The following CSMD1 variants were observed in gnomAD, a reference collection of about 807,000 sequenced individuals.
CSMD1 encodes CUB and sushi domain-containing protein 1.
A neutral mutation model predicts 417.5 loss-of-function variants in CSMD1; 213 were observed. That is an observed-to-expected ratio of 0.51 (90% CI 0.46 to 0.57). The LOEUF (loss-of-function observed/expected upper bound fraction) is 0.57, where lower values mean the gene tolerates loss of function less well. Ranked by LOEUF, CSMD1 falls within the 20% of genes least tolerant of loss-of-function variation. CSMD1 has a pLI of 0.00. For missense variants in CSMD1, 6,923 were observed against 4,529.7 expected (o/e 1.53, Z -15.17); for synonymous variants, 2,862 against 1,736.8 (o/e 1.65, Z -16.11).
At chr8:3,650,131 T>C (rs1464295631) in intron 7 of CSMD1, among the ~76,000 whole-genome samples, 1 of 151,938 alleles carries the variant, frequency 6.6e-6, no homozygotes, top group East Asian at 1.9e-4. Context: ...ATACAAAACT[T>C]AGCCAGGCAT....
At position 4,736,443 on chromosome 8, in the gene CSMD1, A is replaced by G. The variant is rs183472292; in HGVS notation, c.86-98885T>C. ...TGAATGAATTTGCATGAACAGAGAG[A>G]AGCAGCAGGCCCCTCAGGTGGGCAA... On this transcript the variant is annotated intron_variant, in intron 1 of 69. Transcript: ENST00000635120. Among the ~76,000 whole-genome samples, 402 of 152,260 alleles carry G rather than the reference A, an allele frequency of 2.6e-3. 1 individual carries two copies. Among genetic ancestry groups the G allele is most frequent in the African/African-American group, 9.0e-3 (376 of 41,556 alleles).
intron 2 of CSMD1, among the ~76,000 whole-genome samples, chr8:4,498,704 G>C (rs140115237): frequency 4.0e-4 from 61 of 152,252 alleles, no homozygotes; most frequent in African/African-American, 1.4e-3. Flanking sequence ...GTTCCAGACA[G>C]TTAGCTAAGC....
chr8:4,505,091 C>G (rs1254838357), intron 2 of CSMD1, among the ~76,000 whole-genome samples: 1 of 152,156 alleles, frequency 6.6e-6, no homozygotes, highest in Non-Finnish European at 1.5e-5. Context: ...AATTTACACT[C>G]CTACCAACAC....
At chr8:3,028,884 G>A (rs953302022) in intron 51 of CSMD1, among the ~76,000 whole-genome samples, 1 of 152,148 alleles carries the variant, frequency 6.6e-6, no homozygotes, top group African/African-American at 2.4e-5. Flanking sequence ...AGCTTTAACT[G>A]CTTATCTTGT....
At chr8:3,937,994 A>G (rs1810622071) in intron 5 of CSMD1, among the ~76,000 whole-genome samples, 1 of 152,202 alleles carries the variant, frequency 6.6e-6, no homozygotes, top group Admixed American at 6.6e-5. Flanking sequence ...GAATTTCAAA[A>G]TAACTAACTA....
chr8:3,467,865 T>C (rs957562129), intron 12 of CSMD1, among the ~76,000 whole-genome samples: 1 of 152,230 alleles, frequency 6.6e-6, no homozygotes. Flanking sequence ...CCTAAAACTA[T>C]TCCTATGGTA....
intron 52 of CSMD1, among the ~76,000 whole-genome samples, chr8:3,000,984 TTTTC>T (rs2128955903): frequency 7.1e-6 from 1 of 140,562 alleles, no homozygotes; most frequent in Non-Finnish European, 1.5e-5. Flanking sequence ...CCACCATTTT[TTTTC>T]TTTTTTTTTT....
At chr8:3,988,549 G>T (rs1490454172) in intron 5 of CSMD1, among the ~76,000 whole-genome samples, 1 of 152,204 alleles carries the variant, frequency 6.6e-6, no homozygotes, top group African/African-American at 2.4e-5. Context: ...ACTCACTCCA[G>T]AACTGCTAGA....
At chr8:3,218,742 T>C (rs1301098494) in intron 29 of CSMD1, among the ~76,000 whole-genome samples, 1 of 150,872 alleles carries the variant, frequency 6.6e-6, no homozygotes, top group African/African-American at 2.4e-5. Context: ...TATGGTGGCA[T>C]GCTCCTGTAA....
At chr8:3,926,577 C>T (rs901648485) in intron 5 of CSMD1, among the ~76,000 whole-genome samples, 2 of 151,638 alleles carry the variant, frequency 1.3e-5, no homozygotes, top group African/African-American at 4.8e-5. Context: ...ATTATTCTAA[C>T]ATTTATTTCT....
Position 3,565,131 on chromosome 8 carries a change from C to CAAAAAAAAAAA in CSMD1, c.1344+9803_1344+9813dup, listed in dbSNP as rs869248314. On this transcript the variant is annotated intron_variant, in intron 10 of 69. Coordinates refer to ENST00000635120, the MANE Select transcript of CSMD1 (RefSeq NM_033225.6). ...TACTTAACTCTGTAGTGCAAGACAGCAAAAAAAAAAAAAAAAAAAAAAAAA... is the reference window on the plus strand; with the variant it reads ...TACTTAACTCTGTAGTGCAAGACAGCAAAAAAAAAAAAAAAAAAAAAAAAAAAAAAAAAAAA... 1.7e-3 allele frequency among the ~76,000 whole-genome samples: 18 copies of CAAAAAAAAAAA among 10,446 alleles called. 1 individual carries two copies. Among genetic ancestry groups the CAAAAAAAAAAA allele is most frequent in the East Asian group, 6.4e-3 (2 of 312 alleles). 6.9% of individuals were successfully genotyped at this position (10,446 alleles called of 152,430 possible).
chr8:4,177,832 G>C (rs1344371033), intron 3 of CSMD1, among the ~76,000 whole-genome samples: 1 of 151,502 alleles, frequency 6.6e-6, no homozygotes, highest in East Asian at 1.9e-4. Flanking sequence ...AAATCTATAA[G>C]AAATGGATAA....
intron 10 of CSMD1, among the ~76,000 whole-genome samples, chr8:3,523,664 T>C (rs1208241683): frequency 3.8e-5 from 5 of 130,278 alleles, no homozygotes; most frequent in African/African-American, 1.6e-4. Context: ...CAGTTACACA[T>C]GCACACACAC....
chr8:3,136,437 G>A (rs935661130), intron 41 of CSMD1, among the ~76,000 whole-genome samples: 1 of 151,854 alleles, frequency 6.6e-6, no homozygotes, highest in African/African-American at 2.4e-5. Context: ...GCTAGTATTT[G>A]TATTTTTAGT....
chr8:3,511,817 CATAACAATA>C (rs1309689463), intron 10 of CSMD1, among the ~76,000 whole-genome samples: 1 of 133,984 alleles, frequency 7.5e-6, no homozygotes. Context: ...CATAACATAA[CATAACAATA>C]AATAAAATAA....
chr8:4,437,856 C>T (rs1385808882), intron 2 of CSMD1, among the ~76,000 whole-genome samples: 1 of 152,146 alleles, frequency 6.6e-6, no homozygotes, highest in Non-Finnish European at 1.5e-5. Flanking sequence ...GCCCCTAGTT[C>T]ACCTGCCTCA....
intron 5 of CSMD1, among the ~76,000 whole-genome samples, chr8:3,991,873 T>C (rs1225062002): frequency 6.6e-6 from 1 of 152,196 alleles, no homozygotes; most frequent in African/African-American, 2.4e-5. Flanking sequence ...ATTTTTCTCA[T>C]CTATAAAATG....
intron 3 of CSMD1, among the ~76,000 whole-genome samples, chr8:4,042,320 G>C (rs557151003): frequency 6.6e-6 from 1 of 152,234 alleles, no homozygotes; most frequent in African/African-American, 2.4e-5. Flanking sequence ...TGTGTAGAGA[G>C]ACAAAGATAA....
intron 52 of CSMD1, among the ~76,000 whole-genome samples, chr8:3,017,541 C>T (rs563724745): frequency 6.6e-6 from 1 of 151,394 alleles, no homozygotes; most frequent in South Asian, 2.1e-4. Context: ...TGTGAGAAAC[C>T]AAGCAGCATT....
Sources: gnomAD v4.1 joint callset for allele counts (sites outside exome capture counted in the v4.1 genomes callset) on GRCh38, gnomAD v4.1.1 for gene constraint, MANE v1.5 for transcripts, NCBI Gene and HGNC (gene_info 2026-07-23, HGNC 2026-07-21) for gene names.